The following HECW2 variants were observed in gnomAD, a reference collection of about 807,000 sequenced individuals.
HECW2 encodes HECT, C2 and WW domain containing E3 ubiquitin protein ligase 2, also known as E3 ubiquitin-protein ligase HECW2.
Under a neutral mutation model 175.2 loss-of-function variants are expected in HECW2, and 61 were observed. That is an observed-to-expected ratio of 0.35 (90% CI 0.28 to 0.43). The LOEUF (loss-of-function observed/expected upper bound fraction) is 0.43. Ranked by LOEUF, HECW2 falls within the 20% of genes least tolerant of loss-of-function variation. HECW2 has a pLI of 1.00. For synonymous variants in HECW2, 671 were observed against 731.0 expected (o/e 0.92, Z 1.32); for missense variants, 1,524 against 2,000.5 (o/e 0.76, Z 4.54).
At chr2:196,457,116 A>C (rs1696542911) in intron 1 of HECW2, among the ~76,000 whole-genome samples, 1 of 152,250 alleles carries the variant, frequency 6.6e-6, no homozygotes, top group Admixed American at 6.5e-5. Context: ...CATGGAATCA[A>C]GATATGAAAT....
chr2:196,484,612 T>C (rs1686942521), intron 1 of HECW2, among the ~76,000 whole-genome samples: 1 of 152,152 alleles, frequency 6.6e-6, no homozygotes, highest in South Asian at 2.1e-4. Context: ...ACTTAGATAA[T>C]ACCATCCCAG....
intron 2 of HECW2, among the ~76,000 whole-genome samples, chr2:196,374,041 AAAAT>A (rs1693981895): frequency 1.5e-5 from 2 of 131,420 alleles, no homozygotes; most frequent in African/African-American, 7.1e-5. Flanking sequence ...CAAAAAAAAT[AAAAT>A]AAAATAAATA....
At chr2:196,521,299 A>G (rs1222497920) in intron 1 of HECW2, among the ~76,000 whole-genome samples, 3 of 150,014 alleles carry the variant, frequency 2.0e-5, no homozygotes, top group East Asian at 1.9e-4. Context: ...AAAAAAAAAA[A>G]AAAAAAAAGA....
Position 196,293,117 on chromosome 2 carries a change from C to A in HECW2, c.2815-367G>T, listed in dbSNP as rs75771627. Among the ~76,000 whole-genome samples the A allele has an allele frequency of 3.3e-5, 5 of 152,134 alleles. No homozygotes were observed. The East Asian group carries it at 9.6e-4, about 29-fold the overall frequency. Reference sequence around the variant, plus strand: ...CATCACCCAGGTATTAAGCCCAGCACGCATTAGCTATTTTTCCCTAATTCT... The same window carrying A: ...CATCACCCAGGTATTAAGCCCAGCAAGCATTAGCTATTTTTCCCTAATTCT... On this transcript the variant is annotated intron_variant, in intron 13 of 28. Transcript: ENST00000644978.
chr2:196,344,457 T>A (rs1404896568), intron 2 of HECW2, among the ~76,000 whole-genome samples: 1 of 151,096 alleles, frequency 6.6e-6, no homozygotes, highest in African/African-American at 2.4e-5. Context: ...AAGAAAGTGG[T>A]AGTATTTGTA....
intron 17 of HECW2, chr2:196,258,209 TG>T: frequency 3.5e-6 from 1 of 283,478 alleles, no homozygotes; most frequent in Non-Finnish European, 6.7e-6. Flanking sequence ...ATAAAATCAG[TG>T]TCTGCTTTGA....
chr2:196,521,282 C>CAAAAAAAAAAAAAAAAAA (rs1158051512), intron 1 of HECW2, among the ~76,000 whole-genome samples: 16 of 53,684 alleles, frequency 3.0e-4, no homozygotes, highest in Non-Finnish European at 4.0e-4. Context: ...ACGTGAGTAA[C>CAAAAAAAAAAAAAAAAAA]AAAAAAAAAA....
At chr2:196,280,665 G>C (rs2105993265) in intron 14 of HECW2, among the ~76,000 whole-genome samples, 1 of 152,200 alleles carries the variant, frequency 6.6e-6, no homozygotes, top group Middle Eastern at 3.4e-3. Flanking sequence ...TTCTTCTCAG[G>C]TCTTGTAAAA....
chr2:196,243,261 G>T (rs775825103), intron 19 of HECW2, among the ~76,000 whole-genome samples: 1 of 148,818 alleles, frequency 6.7e-6, no homozygotes, highest in Admixed American at 6.8e-5. Flanking sequence ...TCCATCTCCC[G>T]GGTTCAAGTG....
chr2:196,555,032 C>T (rs1344756361), intron 1 of HECW2, among the ~76,000 whole-genome samples: 1 of 152,102 alleles, frequency 6.6e-6, no homozygotes, highest in African/African-American at 2.4e-5. Flanking sequence ...ATTGTCAAAC[C>T]TTCAAGGTCG....
At position 196,271,213 on chromosome 2, in the gene HECW2, A is replaced by C; in HGVS notation, c.3315T>G (p.Leu1105=). The change falls in exon 17 of 29, where the codon CTT becomes CTG. Residue 1105 remains leucine, a synonymous_variant. Coordinates refer to ENST00000644978, the MANE Select transcript of HECW2 (RefSeq NM_001348768.2). ...FEILQERQPD[L]TRNHSLREKI... is the part of the protein sequence containing the mutation. ...GTTACCTGAGTGAGTGATTCCTGGT[A>C]AGATCAGGTTGACGCTCCTGTAGAA... The C allele has an allele frequency of 6.2e-7, 1 of 1,603,678 alleles. No individual in the cohort carries two copies. The highest frequency in any genetic ancestry group is 8.5e-7 in the Non-Finnish European group (1 of 1,170,476).
intron 3 of HECW2, among the ~76,000 whole-genome samples, chr2:196,341,328 AGTTCAGTTGGC>A (rs1692744515): frequency 6.6e-6 from 1 of 152,172 alleles, no homozygotes; most frequent in African/African-American, 2.4e-5. Context: ...TTTCCCCTGA[AGTTCAGTTGGC>A]AATATTTCTC....
chr2:196,469,390 C>T (rs1035183752), intron 1 of HECW2, among the ~76,000 whole-genome samples: 1 of 151,904 alleles, frequency 6.6e-6, no homozygotes, highest in Non-Finnish European at 1.5e-5. Flanking sequence ...GCTACCTCTG[C>T]GGCAAAAGGA....
intron 5 of HECW2, among the ~76,000 whole-genome samples, chr2:196,326,916 C>T (rs1692175605): frequency 6.6e-6 from 1 of 152,172 alleles, no homozygotes; most frequent in Non-Finnish European, 1.5e-5. Context: ...GCAGAATTTG[C>T]ATCTTACTGT....
intron 2 of HECW2, among the ~76,000 whole-genome samples, chr2:196,416,912 T>C (rs1451750696): frequency 1.3e-5 from 2 of 152,364 alleles, no homozygotes; most frequent in Middle Eastern, 3.4e-3. Context: ...TCATATTGCT[T>C]TCCTAAGGAG....
At chr2:196,467,551 G>A (rs996532326) in intron 1 of HECW2, among the ~76,000 whole-genome samples, 9 of 152,140 alleles carry the variant, frequency 5.9e-5, no homozygotes, top group Non-Finnish European at 1.2e-4. Context: ...TGGTTTCAGC[G>A]TCTGACTCTT....
At chr2:196,558,389 A>C (rs1689879450) in intron 1 of HECW2, among the ~76,000 whole-genome samples, 1 of 152,162 alleles carries the variant, frequency 6.6e-6, no homozygotes, top group Non-Finnish European at 1.5e-5. Flanking sequence ...CAGAGTTGTG[A>C]ATTTGGAGAG....
At chr2:196,274,995 GA>G (rs1395658969) in intron 15 of HECW2, among the ~76,000 whole-genome samples, 2 of 152,196 alleles carry the variant, frequency 1.3e-5, no homozygotes, top group Non-Finnish European at 2.9e-5. Flanking sequence ...TTTGAAAAGA[GA>G]GTTTTATTCC....
intron 1 of HECW2, among the ~76,000 whole-genome samples, chr2:196,534,749 T>C (rs1280055177): frequency 1.3e-5 from 2 of 152,172 alleles, no homozygotes; most frequent in South Asian, 2.1e-4. Flanking sequence ...GCACTTCCAT[T>C]GTCAGTCTCT....
Sources: allele counts gnomAD v4.1 joint callset (sites outside exome capture counted in the v4.1 genomes callset), GRCh38; gene constraint gnomAD v4.1.1; transcripts MANE v1.5; gene names NCBI Gene and HGNC (gene_info 2026-07-23, HGNC 2026-07-21).